The following SLC8A1 variants were observed in gnomAD, a reference collection of about 807,000 sequenced individuals.
The protein encoded by SLC8A1 is sodium/calcium exchanger 1.
A neutral mutation model predicts 68.3 loss-of-function variants in SLC8A1; 18 were observed. That is an observed-to-expected ratio of 0.26 (90% CI 0.18 to 0.39). The LOEUF is 0.39. Among genes scored for constraint, SLC8A1 ranks in the 10% least tolerant of loss-of-function variants. SLC8A1 has a pLI of 1.00. For missense variants in SLC8A1, 985 were observed against 1,156.7 expected, an observed-to-expected ratio of 0.85 and a Z score of 2.15; for synonymous variants, 475 against 415.5, an observed-to-expected ratio of 1.14 and a Z score of -1.74.
chr2:40,142,148 T>G (rs1382809776), intron 6 of SLC8A1, among the ~76,000 whole-genome samples: 1 of 152,210 alleles, frequency 6.6e-6, no homozygotes, highest in Non-Finnish European at 1.5e-5. Context: ...TACCTACTCT[T>G]TTTTGTTTGT....
intron 7 of SLC8A1, among the ~76,000 whole-genome samples, chr2:40,132,687 TATA>T (rs1324186719): frequency 6.6e-6 from 1 of 152,092 alleles, no homozygotes. Flanking sequence ...CTAAAAATAA[TATA>T]ATGTTTTGTA....
At chr2:40,501,450 C>A (rs1435183193) in intron 1 of SLC8A1, among the ~76,000 whole-genome samples, 1 of 152,048 alleles carries the variant, frequency 6.6e-6, no homozygotes, top group Non-Finnish European at 1.5e-5. Context: ...ATAATGTTGT[C>A]AAGTTTCATT....
At chr2:40,428,878 G>C in exon 2 of SLC8A1, 3 of 1,613,742 alleles carry the variant, frequency 1.9e-6, no homozygotes. Context: ...GGTATCACCA[G>C]GCTTAAACAC....
chr2:40,281,438 CAT>C (rs1162887493), intron 2 of SLC8A1, among the ~76,000 whole-genome samples: 1 of 152,196 alleles, frequency 6.6e-6, no homozygotes, highest in African/African-American at 2.4e-5. Flanking sequence ...AGAAAAGTCT[CAT>C]AGGCCAACTC....
chr2:40,417,098 A>G (rs922543895), intron 2 of SLC8A1, among the ~76,000 whole-genome samples: 4 of 152,178 alleles, frequency 2.6e-5, no homozygotes, highest in Non-Finnish European at 5.9e-5. Flanking sequence ...AAGATTATGC[A>G]GAGTTCTCCT....
chr2:40,503,720 A>G (rs1050102701), intron 1 of SLC8A1, among the ~76,000 whole-genome samples: 1 of 152,064 alleles, frequency 6.6e-6, no homozygotes, highest in Admixed American at 6.6e-5. Context: ...CACACATAAA[A>G]TTAAATACCT....
chr2:40,475,592 T>C (rs940050455), intron 1 of SLC8A1, among the ~76,000 whole-genome samples: 1 of 152,096 alleles, frequency 6.6e-6, no homozygotes, highest in Non-Finnish European at 1.5e-5. Flanking sequence ...TAAATACATA[T>C]GTACATGACA....
intron 2 of SLC8A1, among the ~76,000 whole-genome samples, chr2:40,311,952 C>T (rs771099823): frequency 3.3e-5 from 5 of 152,026 alleles, no homozygotes; most frequent in Non-Finnish European, 5.9e-5. Flanking sequence ...TGAAAGGAAA[C>T]AAATGTTTGG....
chr2:40,412,889 C>G (rs996769607), intron 2 of SLC8A1, among the ~76,000 whole-genome samples: 3 of 152,132 alleles, frequency 2.0e-5, no homozygotes, highest in Non-Finnish European at 4.4e-5. Context: ...GGTATTTTTT[C>G]TGGTTATCAT....
intron 1 of SLC8A1, among the ~76,000 whole-genome samples, chr2:40,463,839 T>TACACACACATACACAC (rs1410338454): frequency 9.7e-5 from 12 of 123,400 alleles, no homozygotes; most frequent in African/African-American, 2.8e-4. Flanking sequence ...CACACACACA[T>TACACACACATACACAC]ACACACACAC....
intron 2 of SLC8A1, among the ~76,000 whole-genome samples, chr2:40,277,718 CATAA>C (rs1232437887): frequency 6.7e-6 from 1 of 148,170 alleles, no homozygotes; most frequent in Non-Finnish European, 1.5e-5. Flanking sequence ...CATTTGACTA[CATAA>C]ATAAACCAAA....
intron 1 of SLC8A1, among the ~76,000 whole-genome samples, chr2:40,493,009 G>T (rs1417271622): frequency 6.6e-6 from 1 of 152,060 alleles, no homozygotes; most frequent in Non-Finnish European, 1.5e-5. Flanking sequence ...ATACCCAAAG[G>T]ACTATAAATC....
At chr2:40,232,602 T>TG (rs1225760389) in intron 2 of SLC8A1, among the ~76,000 whole-genome samples, 2 of 150,336 alleles carry the variant, frequency 1.3e-5, no homozygotes, top group Non-Finnish European at 3.0e-5. Context: ...TATTCTGTTT[T>TG]TTTTTTTTTT....
rs192784679 is a variant in SLC8A1, at chr2:40,306,299, C to T, written c.1808+122174G>A. Among the ~76,000 whole-genome samples, 49 of 152,222 alleles carry T rather than the reference C, an allele frequency of 3.2e-4. 1 individual carries two copies. Among genetic ancestry groups the T allele is most frequent in the African/African-American group, 1.1e-3 (46 of 41,566 alleles). On this transcript the variant is annotated intron_variant, in intron 2 of 7. Coordinates refer to ENST00000406785, the Ensembl canonical transcript of SLC8A1. ...AGAAATAATGTCAGCATTGGACTTA[C>T]ATAACAAGATGGCAAGTTGAAGATT...
At chr2:40,292,718 C>T (rs2069558161) in intron 2 of SLC8A1, among the ~76,000 whole-genome samples, 1 of 152,238 alleles carries the variant, frequency 6.6e-6, no homozygotes, top group African/African-American at 2.4e-5. Flanking sequence ...CACCACTGTA[C>T]TTTTTTATTT....
chr2:40,182,176 C>G (rs2049710213), intron 2 of SLC8A1, among the ~76,000 whole-genome samples: 2 of 152,296 alleles, frequency 1.3e-5, no homozygotes, highest in South Asian at 4.1e-4. Flanking sequence ...TTTAAATAGA[C>G]AGGTTAACAA....
At chr2:40,184,324 C>A (rs562610676) in intron 2 of SLC8A1, among the ~76,000 whole-genome samples, 1 of 152,136 alleles carries the variant, frequency 6.6e-6, no homozygotes, top group Admixed American at 6.5e-5. Context: ...CAGTAATAGT[C>A]CAAACTAAAT....
intron 2 of SLC8A1, among the ~76,000 whole-genome samples, chr2:40,407,067 T>A (rs1274025234): frequency 6.6e-6 from 1 of 152,026 alleles, no homozygotes; most frequent in African/African-American, 2.4e-5. Context: ...CTCAGCAGAT[T>A]TGTGTGTGGG....
In SLC8A1 at chr2:40,232,527, C is replaced by A. The variant is rs575443936; in HGVS notation, c.1809-54672G>T. ...GGATAGGGAAGGGAATTTAACCTTACATCCTCACATTGAATGGCCTTTGTG... is the reference window on the plus strand; with the variant it reads ...GGATAGGGAAGGGAATTTAACCTTAAATCCTCACATTGAATGGCCTTTGTG... On this transcript the variant is annotated intron_variant, in intron 2 of 7. Transcript: ENST00000406785. Among the ~76,000 whole-genome samples the A allele has an allele frequency of 1.3e-3, 194 of 149,888 alleles. 1 individual carries two copies. Among genetic ancestry groups the A allele is most frequent in the Non-Finnish European group, 2.3e-3 (153 of 67,560 alleles).
Sources: gnomAD v4.1 joint callset for allele counts (sites outside exome capture counted in the v4.1 genomes callset) on GRCh38, gnomAD v4.1.1 for gene constraint, MANE v1.5 for transcripts, NCBI Gene and HGNC (gene_info 2026-07-23, HGNC 2026-07-21) for gene names.